Variants in GLCE observed in about 807,000 individuals in gnomAD.
GLCE encodes D-glucuronyl C5-epimerase.
A neutral mutation model predicts 47.9 loss-of-function variants in GLCE; 19 were observed. The observed-to-expected ratio is 0.40, with a 90% CI of 0.28 to 0.58. The LOEUF is 0.58. Among genes scored for constraint, GLCE ranks in the 20% least tolerant of loss-of-function variants. GLCE has a pLI of 0.48. For missense variants in GLCE, 556 were observed against 743.3 expected, an observed-to-expected ratio of 0.75 and a Z score of 2.93; for synonymous variants, 245 against 263.4, an observed-to-expected ratio of 0.93 and a Z score of 0.68.
At chr15:69,193,363 T>C (rs1362055548) in intron 1 of GLCE, among the ~76,000 whole-genome samples, 2 of 152,146 alleles carry the variant, frequency 1.3e-5, no homozygotes, top group Non-Finnish European at 2.9e-5. Context: ...AGACCCTCTT[T>C]GTCCTTCATA....
At chr15:69,205,250 C>T (rs1325128678) in intron 1 of GLCE, among the ~76,000 whole-genome samples, 1 of 151,882 alleles carries the variant, frequency 6.6e-6, no homozygotes, top group East Asian at 1.9e-4. Flanking sequence ...AGCATGAAGC[C>T]ATTTAAGACT....
intron 1 of GLCE, among the ~76,000 whole-genome samples, chr15:69,165,824 T>A (rs1248501425): frequency 6.6e-6 from 1 of 152,224 alleles, no homozygotes; most frequent in Non-Finnish European, 1.5e-5. Flanking sequence ...ATGTCAGAAG[T>A]GAGTTAAACT....
chr15:69,265,882 A>G (rs1223707684), intron 4 of GLCE, among the ~76,000 whole-genome samples: 1 of 152,204 alleles, frequency 6.6e-6, no homozygotes, highest in Non-Finnish European at 1.5e-5. Context: ...GAATGAAAAA[A>G]TAAGCACTCA....
chr15:69,166,908 C>CAAAAAA (rs34522584), intron 1 of GLCE, among the ~76,000 whole-genome samples: 1 of 42,450 alleles, frequency 2.4e-5, no homozygotes, highest in African/African-American at 9.5e-5. Context: ...GACTCTGTCT[C>CAAAAAA]AAAAAAAAAA....
intron 2 of GLCE, among the ~76,000 whole-genome samples, chr15:69,239,028 A>G (rs2052630240): frequency 6.6e-6 from 1 of 152,146 alleles, no homozygotes. Context: ...TTCTGGTGAG[A>G]TGGTATGACA....
At chr15:69,211,446 A>G (rs879574593) in intron 2 of GLCE, among the ~76,000 whole-genome samples, 5 of 152,032 alleles carry the variant, frequency 3.3e-5, no homozygotes, top group African/African-American at 7.2e-5. Flanking sequence ...ACTTGCTAAT[A>G]TAGAACTACA....
intron 1 of GLCE, among the ~76,000 whole-genome samples, chr15:69,165,990 T>A (rs1281944650): frequency 6.6e-6 from 1 of 152,230 alleles, no homozygotes; most frequent in African/African-American, 2.4e-5. Context: ...ATGGTTACAC[T>A]GTTAAACTTG....
At position 69,227,405 on chromosome 15, in the gene GLCE, G is replaced by A. The variant is rs184973981; in HGVS notation, c.-14+16999G>A. ...TTAAATATGATTTGTTCAATGAAGA[G>A]CTGATACTAGAGTAGGTGTGTCAGA... On this transcript the variant is annotated intron_variant, in intron 2 of 4. Transcript: ENST00000261858. Among the ~76,000 whole-genome samples, 374 of 152,254 alleles carry A rather than the reference G, an allele frequency of 2.5e-3. 1 individual carries two copies. The highest frequency in any genetic ancestry group is 3.6e-3 in the Non-Finnish European group (245 of 68,000).
intron 2 of GLCE, among the ~76,000 whole-genome samples, chr15:69,231,469 G>A (rs1467728504): frequency 6.6e-6 from 1 of 151,880 alleles, no homozygotes; most frequent in African/African-American, 2.4e-5. Context: ...TGTTTTAGTA[G>A]AGATGGGGTT....
At chr15:69,210,001 A>G (rs955643729) in intron 1 of GLCE, among the ~76,000 whole-genome samples, 27 of 152,054 alleles carry the variant, frequency 1.8e-4, no homozygotes, top group Admixed American at 1.5e-3. Context: ...CTTCCTTGTG[A>G]GTCCTAAGAG....
chr15:69,167,265 G>A (rs1374549210), intron 1 of GLCE, among the ~76,000 whole-genome samples: 1 of 152,140 alleles, frequency 6.6e-6, no homozygotes, highest in African/African-American at 2.4e-5. Flanking sequence ...TGCTTGAAAG[G>A]GATACCAGAT....
chr15:69,223,691 C>T (rs2052407519), intron 2 of GLCE, among the ~76,000 whole-genome samples: 1 of 152,114 alleles, frequency 6.6e-6, no homozygotes, highest in Non-Finnish European at 1.5e-5. Flanking sequence ...CCTTTCAAAA[C>T]TCCCACAATG....
chr15:69,179,044 T>C (rs2051713682), intron 1 of GLCE, among the ~76,000 whole-genome samples: 2 of 152,246 alleles, frequency 1.3e-5, no homozygotes, highest in African/African-American at 4.8e-5. Flanking sequence ...AAATAAGTTG[T>C]GTATGTGTTG....
intron 3 of GLCE, among the ~76,000 whole-genome samples, chr15:69,259,258 A>G (rs1401091356): frequency 6.6e-6 from 1 of 152,224 alleles, no homozygotes; most frequent in Admixed American, 6.5e-5. Context: ...TAGTAAGGGT[A>G]GCAGTACTCA....
At chr15:69,176,510 C>T (rs1272154312) in intron 1 of GLCE, among the ~76,000 whole-genome samples, 1 of 152,072 alleles carries the variant, frequency 6.6e-6, no homozygotes, top group Admixed American at 6.5e-5. Flanking sequence ...AGGCATGCGT[C>T]AGCCACCACC....
chr15:69,183,960 G>C (rs1020295218), intron 1 of GLCE, among the ~76,000 whole-genome samples: 2 of 152,142 alleles, frequency 1.3e-5, no homozygotes, highest in African/African-American at 4.8e-5. Context: ...AACCAGTGAA[G>C]AACATCCCAA....
At position 69,260,252 on chromosome 15, in the gene GLCE, G is replaced by GCTTTTT. The variant is rs57452657; in HGVS notation, c.587-835_587-834insCTTTTT. Among the ~76,000 whole-genome samples, 21 of 79,248 alleles carry GCTTTTT rather than the reference G, an allele frequency of 2.6e-4. 1 individual carries two copies. The highest frequency in any genetic ancestry group is 9.0e-4 in the African/African-American group (21 of 23,324). The allele number at this position is 79,248 out of a possible 152,430, so 52.0% of individuals were successfully genotyped here. On this transcript the variant is annotated intron_variant, in intron 3 of 4. Coordinates refer to ENST00000261858, the MANE Select transcript of GLCE (RefSeq NM_015554.3). ...ATTTTAAATTGCCAAGTCACAACTG[G>GCTTTTT]TTTTTTTTTTTTTTTTTTTTTTTTT... is the stretch of plus-strand genomic sequence containing the variant.
At chr15:69,190,513 A>T (rs1178432571) in intron 1 of GLCE, among the ~76,000 whole-genome samples, 8 of 152,034 alleles carry the variant, frequency 5.3e-5, no homozygotes, top group Non-Finnish European at 1.2e-4. Context: ...TCATCCCTTT[A>T]CTCATTGTGA....
chr15:69,208,060 C>T (rs1263793587), intron 1 of GLCE, among the ~76,000 whole-genome samples: 4 of 151,872 alleles, frequency 2.6e-5, no homozygotes, highest in Admixed American at 6.6e-5. Flanking sequence ...GTTCCATAAG[C>T]GATTTGCAGG....
Sources: gnomAD v4.1 joint callset for allele counts (sites outside exome capture counted in the v4.1 genomes callset) on GRCh38, gnomAD v4.1.1 for gene constraint, MANE v1.5 for transcripts, NCBI Gene and HGNC (gene_info 2026-07-23, HGNC 2026-07-21) for gene names.